TP53BP2: variants seen among roughly 807,000 people sequenced by gnomAD.
TP53BP2 encodes apoptosis-stimulating of p53 protein 2.
In TP53BP2, 62 loss-of-function variants were observed where a neutral mutation model predicts 126.2. The ratio of observed to expected loss-of-function variants is 0.49; its 90% CI spans 0.40 to 0.61. TP53BP2 has a LOEUF of 0.61. TP53BP2 is among the 20% of genes least tolerant of loss of function. The pLI is 0.00. For missense variants in TP53BP2, 1,215 were observed against 1,402.8 expected, an observed-to-expected ratio of 0.87 and a Z score of 2.14; for synonymous variants, 485 against 502.9, an observed-to-expected ratio of 0.96 and a Z score of 0.48.
At position 223,798,452 on chromosome 1, in the gene TP53BP2, C is replaced by G. The variant is rs778914433; in HGVS notation, c.1711G>C (p.Asp571His). 1 of 1,614,162 alleles carries G rather than the reference C, an allele frequency of 6.2e-7. No individual in the cohort carries two copies. Among genetic ancestry groups the G allele is most frequent in the South Asian group, 1.1e-5 (1 of 91,078 alleles). Residue 571 changes from aspartate to histidine, a missense_variant, in exon 12 of 18, where the codon GAC becomes CAC. Physicochemically the swap from Asp to His is moderately conservative, Grantham distance 81. Coordinates refer to ENST00000343537, the MANE Select transcript of TP53BP2 (RefSeq NM_001031685.3). ...LSPSIPSVGQ[D>H]QTLSPGSKQE... ...TTAGAACCTGGAGAAAGGGTCTGGTCTTGGCCAACCGAAGGTATGCTGGGA... is the reference window on the plus strand; with the variant it reads ...TTAGAACCTGGAGAAAGGGTCTGGTGTTGGCCAACCGAAGGTATGCTGGGA...
chr1:223,782,932 A>G lies in TP53BP2; in HGVS notation c.3363+1183T>C, dbSNP rs75815927. ...GTCAGGACAGCAGCAGTCAAGGTGT[A>G]TAAGTCATTTACACTGCACGTTAGA... On this transcript the variant is annotated intron_variant, in intron 17 of 17. Transcript: ENST00000343537. Among the ~76,000 whole-genome samples the G allele has an allele frequency of 2.6e-5, 4 of 152,216 alleles. No individual in the cohort carries two copies. The East Asian group carries it at 5.8e-4, about 22-fold the overall frequency.
At chr1:223,790,009 C>T (rs368315576) in intron 15 of TP53BP2, among the ~76,000 whole-genome samples, 3 of 152,052 alleles carry the variant, frequency 2.0e-5, no homozygotes, top group South Asian at 2.1e-4. Context: ...TTAGACCAGG[C>T]GCAGTGGCTC....
At chr1:223,808,104 T>C (rs1662783609) in intron 4 of TP53BP2, among the ~76,000 whole-genome samples, 1 of 151,904 alleles carries the variant, frequency 6.6e-6, no homozygotes, top group African/African-American at 2.4e-5. Context: ...GAATAGAGAG[T>C]ACAAAAATAG....
In TP53BP2 at chr1:223,845,783, C is replaced by G. The variant is rs1423408284; in HGVS notation, c.-103G>C. 6 of 1,186,082 alleles carry G rather than the reference C, an allele frequency of 5.1e-6. No individual in the cohort carries two copies. The African/African-American group carries it at 6.4e-5, about 13-fold the overall frequency. The allele number at this position is 1,186,082 out of a possible 1,614,324, so 73.5% of individuals were successfully genotyped here. ...AGAGCGAGGCCGCCCGGACCTGTTG[C>G]GAGGCGGCGGCGGCGGCAGCGGCGG... On this transcript the variant is annotated 5_prime_UTR_variant, in exon 1 of 18. Coordinates refer to ENST00000343537, the MANE Select transcript of TP53BP2 (RefSeq NM_001031685.3).
At chr1:223,793,562 G>A in intron 13 of TP53BP2, 122 bp from the exon 14 acceptor site, 1 of 1,055,594 alleles carries the variant, frequency 9.5e-7, no homozygotes, top group Non-Finnish European at 1.3e-6. Context: ...TATAGATTTG[G>A]CACATTTTAT....
intron 1 of TP53BP2, 90 bp from the exon 2 acceptor site, chr1:223,821,457 G>A: frequency 1.3e-6 from 2 of 1,542,676 alleles, no homozygotes; most frequent in South Asian, 1.1e-5. Context: ...CAAAATCTCA[G>A]TTGGAAGTGC....
Position 223,796,602 on chromosome 1 carries a change from AG to A in TP53BP2, c.1949-13del, listed in dbSNP as rs1344155020. 2.0e-6 allele frequency: 3 copies of A among 1,537,550 alleles called. No homozygotes were observed. Among genetic ancestry groups the A allele is most frequent in the African/African-American group, 1.5e-5 (1 of 65,468 alleles). On this transcript the variant is annotated splice_polypyrimidine_tract_variant and intron_variant, in intron 12 of 17. Transcript: ENST00000343537. The surrounding 1 kb of genome is among the most constrained non-coding windows in gnomAD (Gnocchi z 4.2). ...AGGCTTACCATATACTAATTGGAAA[AG>A]GAAAAAAAAAAGCCCTCATTAGCAT...
chr1:223,835,836 C>G (rs767783563), intron 1 of TP53BP2, among the ~76,000 whole-genome samples: 8 of 151,976 alleles, frequency 5.3e-5, no homozygotes, highest in Non-Finnish European at 8.8e-5. Flanking sequence ...CACTGCAAAC[C>G]ACGAAAAGGG....
At chr1:223,844,064 C>T (rs1176112975) in intron 1 of TP53BP2, among the ~76,000 whole-genome samples, 1 of 152,106 alleles carries the variant, frequency 6.6e-6, no homozygotes, top group African/African-American at 2.4e-5. Flanking sequence ...GATGATGAAA[C>T]TGAGGGACAA....
intron 1 of TP53BP2, among the ~76,000 whole-genome samples, chr1:223,838,323 G>A (rs1663989986): frequency 2.0e-5 from 3 of 152,116 alleles, no homozygotes; most frequent in Non-Finnish European, 4.4e-5. Flanking sequence ...TCCCCAAAAG[G>A]CCATCCAAAA....
At chr1:223,823,625 G>A (rs36032024) in intron 1 of TP53BP2, among the ~76,000 whole-genome samples, 15,417 of 152,152 alleles carry the variant, frequency 0.1, 874 homozygotes, top group African/African-American at 0.16. Flanking sequence ...GTTCAACTTA[G>A]CCAACAAGGC....
chr1:223,809,833 CTT>C (rs949554343), intron 4 of TP53BP2, among the ~76,000 whole-genome samples: 1 of 147,866 alleles, frequency 6.8e-6, no homozygotes. Context: ...TATAATTTTC[CTT>C]TTTTTTTTGA....
chr1:223,810,502 T>C lies in TP53BP2; in HGVS notation c.301A>G (p.Arg101Gly), dbSNP rs770739176. ...PPGRDIVSGP[R>G]SQDPSLKRNG... ...CTTTTTAAACTTGGATCCTGAGATC[T>C]TGGTCCACTCACTAAGGACAAAATT... The change falls in exon 4 of 18, where the codon AGA becomes GGA. Residue 101 changes from arginine (R) to glycine (G), a missense_variant. Transcript: ENST00000343537. 11 of 1,605,198 alleles carry C rather than the reference T, an allele frequency of 6.9e-6. No individual in the cohort carries two copies. In the Admixed American group the frequency reaches 1.2e-4, roughly 17 times the overall value.
chr1:223,804,224 C>A lies in TP53BP2; in HGVS notation c.599G>T (p.Arg200Ile). Residue 200 changes from arginine (R) to isoleucine (I), a missense_variant, in exon 6 of 18, where the codon AGA (arginine) becomes ATA (isoleucine). Transcript: ENST00000343537. ...CTGTTCCACGTGGCCTTTAAGTGCT[C>A]TCACTTTTTTTAGCTTAGCTTCCTG... is the stretch of plus-strand genomic sequence containing the variant. The part of the protein sequence containing the change: ...ENQEAKLKKV[R>I]ALKGHVEQKR... The A allele has an allele frequency of 6.2e-7, 1 of 1,614,146 alleles. No individual in the cohort carries two copies. Among genetic ancestry groups the A allele is most frequent in the Non-Finnish European group, 8.5e-7 (1 of 1,180,024 alleles).
Position 223,793,956 on chromosome 1 carries a change from G to A in TP53BP2, c.2725-516C>T, listed in dbSNP as rs538807765. ...CTAGTTTACAGATAAGGAAACCAAG[G>A]CACACAGCCGGCAAATGGCAGAGCT... is the stretch of plus-strand genomic sequence containing the variant. On this transcript the variant is annotated intron_variant, in intron 13 of 17. Transcript: ENST00000343537. 2.6e-5 allele frequency among the ~76,000 whole-genome samples: 4 copies of A among 152,214 alleles called. No homozygotes were observed. In the East Asian group the frequency reaches 5.8e-4, roughly 22 times the overall value.
At chr1:223,789,228 G>C in intron 15 of TP53BP2, 54 bp from the exon 16 acceptor site, 1 of 1,579,500 alleles carries the variant, frequency 6.3e-7, no homozygotes, top group Non-Finnish European at 8.6e-7. Context: ...AATGACACCT[G>C]CTGATAAGAT....
At chr1:223,830,430 G>T (rs1663656967) in intron 1 of TP53BP2, among the ~76,000 whole-genome samples, 1 of 151,964 alleles carries the variant, frequency 6.6e-6, no homozygotes, top group Non-Finnish European at 1.5e-5. Context: ...AGATACGATG[G>T]TAGTACTATA....
intron 17 of TP53BP2, among the ~76,000 whole-genome samples, chr1:223,781,293 A>C (rs1661769858): frequency 1.3e-5 from 2 of 152,240 alleles, no homozygotes; most frequent in South Asian, 4.1e-4. Flanking sequence ...GAAGAAAGAG[A>C]CTGAATTCTT....
At chr1:223,810,580 T>C (rs1662877917) in intron 3 of TP53BP2, 67 bp from the exon 4 acceptor site, 1 of 1,114,954 alleles carries the variant, frequency 9.0e-7, no homozygotes, top group Non-Finnish European at 1.3e-6. Flanking sequence ...AACCAGTTCA[T>C]TTCTGAGTTC....
Sources: allele counts gnomAD v4.1 joint callset (sites outside exome capture counted in the v4.1 genomes callset), GRCh38; gene constraint gnomAD v4.1.1; non-coding constraint Gnocchi (gnomAD v3.1); transcripts MANE v1.5; gene names NCBI Gene and HGNC (gene_info 2026-07-23, HGNC 2026-07-21).